Variants in C12orf42 observed in about 807,000 individuals in gnomAD.
The protein encoded by C12orf42 is uncharacterized protein C12orf42.
C12orf42 carries 25 observed loss-of-function variants against 21.6 expected under a neutral mutation model. That is an observed-to-expected ratio of 1.16 (90% CI 0.84 to 1.62). The LOEUF is 1.62. Ranked by LOEUF, C12orf42 falls within the 40% of genes most tolerant of loss-of-function variation. The pLI is 0.00. For synonymous variants in C12orf42, 174 were observed against 175.0 expected (o/e 0.99, Z 0.05); for missense variants, 483 against 459.3 (o/e 1.05, Z -0.47).
chr12:103,510,310 A>G, the C12orf42 span, among the ~76,000 whole-genome samples: 1 of 152,182 alleles, frequency 6.6e-6, no homozygotes, highest in East Asian at 1.9e-4. Flanking sequence ...AAGCTATGAT[A>G]GGATACAAAG....
the C12orf42 span, among the ~76,000 whole-genome samples, chr12:103,543,128 T>C: frequency 7.2e-5 from 11 of 152,112 alleles, no homozygotes; most frequent in Non-Finnish European, 1.5e-4. Context: ...TGGATGTGAA[T>C]AAGGATGACA....
chr12:103,507,206 A>T, the C12orf42 span, among the ~76,000 whole-genome samples: 2 of 33,366 alleles, frequency 6.0e-5, no homozygotes, highest in African/African-American at 2.4e-4. Context: ...TATTTATATT[A>T]TATATATAAT....
chr12:103,252,124 A>C (rs1298719961), intron 10 of C12orf42, among the ~76,000 whole-genome samples: 1 of 151,326 alleles, frequency 6.6e-6, no homozygotes, highest in Admixed American at 6.6e-5. Flanking sequence ...TCCCCCCAAA[A>C]ATTCTTTTTT....
chr12:103,337,819 A>G (rs1328142538), intron 4 of C12orf42, among the ~76,000 whole-genome samples: 1 of 152,194 alleles, frequency 6.6e-6, no homozygotes, highest in African/African-American at 2.4e-5. Context: ...GCCATCCAGT[A>G]TGAACCCCTT....
At chr12:103,324,884 C>G (rs2040523569) in intron 4 of C12orf42, among the ~76,000 whole-genome samples, 1 of 152,152 alleles carries the variant, frequency 6.6e-6, no homozygotes, top group South Asian at 2.1e-4. Flanking sequence ...GGATAATAAA[C>G]CTGACATTGG....
At chr12:103,080,793 A>G in the C12orf42 span, among the ~76,000 whole-genome samples, 7 of 152,210 alleles carry the variant, frequency 4.6e-5, no homozygotes, top group Non-Finnish European at 1.0e-4. Context: ...CTTTGTGACA[A>G]GTACTATTCT....
chr12:103,270,252 G>A (rs925730478), intron 5 of C12orf42: 4 of 151,834 alleles, frequency 2.6e-5, no homozygotes, highest in African/African-American at 7.3e-5. Context: ...CCACATGTGA[G>A]ATGAGTTTGA....
Position 103,479,460 on chromosome 12 carries a change from C to A in C12orf42, c.-21-1013G>T, listed in dbSNP as rs548529549. On this transcript the variant is annotated intron_variant, in intron 1 of 5. Coordinates refer to ENST00000548883, the MANE Select transcript of C12orf42 (RefSeq NM_198521.5). ...AAATACTAACACTCATGAATCAGAGCCCCCAAAATAGTATAAGTTTCAGTC... is the reference window on the plus strand; with the variant it reads ...AAATACTAACACTCATGAATCAGAGACCCCAAAATAGTATAAGTTTCAGTC... Among the ~76,000 whole-genome samples, 42 of 152,090 alleles carry A rather than the reference C, an allele frequency of 2.8e-4. 1 individual carries two copies. The South Asian group carries it at 8.1e-3, about 29-fold the overall frequency.
chr12:103,208,436 A>G, the C12orf42 span, among the ~76,000 whole-genome samples: 4 of 152,178 alleles, frequency 2.6e-5, no homozygotes, highest in Non-Finnish European at 5.9e-5. Context: ...GAGAATTACT[A>G]CATTTATATA....
intron 2 of C12orf42, among the ~76,000 whole-genome samples, chr12:103,468,935 A>G (rs1330894533): frequency 6.6e-6 from 1 of 152,246 alleles, no homozygotes; most frequent in African/African-American, 2.4e-5. Context: ...AATTTACTCC[A>G]GTAAAATCTA....
intron 4 of C12orf42, among the ~76,000 whole-genome samples, chr12:103,352,733 G>T (rs780582028): frequency 6.6e-6 from 1 of 152,038 alleles, no homozygotes; most frequent in Non-Finnish European, 1.5e-5. Flanking sequence ...GGCTATGAAG[G>T]GTACCAGATC....
intron 2 of C12orf42, among the ~76,000 whole-genome samples, chr12:103,443,018 C>T (rs1241352983): frequency 1.3e-5 from 2 of 151,994 alleles, no homozygotes; most frequent in Admixed American, 6.6e-5. Context: ...AAAGTTACCA[C>T]ATGGAAGACG....
rs550763669 is a variant in C12orf42 at position 103,355,448 on chromosome 12, C to A, written c.259+13439G>T. On this transcript the variant is annotated intron_variant, in intron 4 of 5. Transcript: ENST00000548883. ...GTCATACATTTTGGCTGGTCATTGA[C>A]CCGCCCATCTGAAAGGAAGATGATC... 1.2e-3 allele frequency among the ~76,000 whole-genome samples: 183 copies of A among 152,232 alleles called. 1 individual carries two copies. The highest frequency in any genetic ancestry group is 4.1e-3 in the African/African-American group (172 of 41,556).
chr12:103,416,130 T>A (rs866981891), intron 2 of C12orf42, among the ~76,000 whole-genome samples: 1 of 152,154 alleles, frequency 6.6e-6, no homozygotes, highest in Middle Eastern at 3.4e-3. Flanking sequence ...GGTGTCATTT[T>A]GGTTGCTTGT....
chr12:103,499,788 A>G (rs186465440), upstream of C12orf42, among the ~76,000 whole-genome samples: 572 of 152,334 alleles, frequency 3.8e-3, 3 homozygotes, highest in African/African-American at 0.013. Flanking sequence ...TACTGTTTGA[A>G]CATCAGTACA....
At chr12:103,131,500 C>T in the C12orf42 span, among the ~76,000 whole-genome samples, 15 of 152,190 alleles carry the variant, frequency 9.9e-5, no homozygotes, top group Admixed American at 9.8e-4. Context: ...GTCAGATTTT[C>T]CCTTTGACGG....
chr12:103,135,810 A>T, the C12orf42 span, among the ~76,000 whole-genome samples: 2 of 152,216 alleles, frequency 1.3e-5, no homozygotes, highest in African/African-American at 4.8e-5. Context: ...CAAAGAACGT[A>T]TGGTTATTGC....
chr12:103,133,679 A>G, the C12orf42 span, among the ~76,000 whole-genome samples: 1 of 152,238 alleles, frequency 6.6e-6, no homozygotes, highest in Non-Finnish European at 1.5e-5. Flanking sequence ...AAGTCAAAGT[A>G]CCCAACTGAT....
intron 4 of C12orf42, among the ~76,000 whole-genome samples, chr12:103,307,749 T>A (rs1339073208): frequency 6.6e-6 from 1 of 151,970 alleles, no homozygotes; most frequent in African/African-American, 2.4e-5. Context: ...TAGAGGGGCA[T>A]GCACATGTGT....
Sources: allele counts gnomAD v4.1 joint callset (sites outside exome capture counted in the v4.1 genomes callset), GRCh38; gene constraint gnomAD v4.1.1; transcripts MANE v1.5; gene names NCBI Gene and HGNC (gene_info 2026-07-23, HGNC 2026-07-21).